Variants in EMILIN2 observed in about 807,000 individuals in gnomAD.
EMILIN2 encodes elastin microfibril interfacer 2.
A neutral mutation model predicts 87.1 loss-of-function variants in EMILIN2; 71 were observed. The ratio of observed to expected loss-of-function variants is 0.82; its 90% confidence interval spans 0.67 to 0.99. The LOEUF (loss-of-function observed/expected upper bound fraction) is 0.99. Among genes scored for constraint, EMILIN2 ranks in the 50% least tolerant of loss-of-function variants. The probability of loss-of-function intolerance (pLI) is 0.00; values close to 1 mark genes in which losing one functional copy is unlikely to be tolerated. For missense variants in EMILIN2, 1,407 were observed against 1,371.8 expected, an observed-to-expected ratio of 1.03 and a Z score of -0.40; for synonymous variants, 581 against 563.4, an observed-to-expected ratio of 1.03 and a Z score of -0.44.
chr18:2,848,248 G>A lies in EMILIN2; in HGVS notation c.257+317G>A, dbSNP rs2076586264. 6.6e-6 allele frequency among the ~76,000 whole-genome samples: 1 copy of A among 152,256 alleles called. No individual in the cohort carries two copies. Among genetic ancestry groups the A allele is most frequent in the South Asian group, 2.1e-4 (1 of 4,834 alleles). ...CTTTCAATGTTTGTTTGTAACATAA[G>A]GCAGCTGAATCTAATTGGATCCATA... On this transcript the variant is annotated intron_variant, in intron 2 of 7. Coordinates refer to ENST00000254528, the MANE Select transcript of EMILIN2 (RefSeq NM_032048.3). The surrounding 1 kb of genome is among the most constrained non-coding windows in gnomAD (Gnocchi z 4.1).
In EMILIN2 at chr18:2,892,239, C is replaced by G; in HGVS notation, c.2112C>G (p.Gly704=). ...AGAGGGAGGTCTCCATGGTGGAGGG[C>G]AGGGTGTCTCATATGGAGAAAACTT... ...GVQREVSMVE[G]RVSHMEKTCS... is the part of the protein sequence containing the mutation. The change falls in exon 4 of 8, where the codon GGC becomes GGG. Residue 704 remains glycine (G), a synonymous_variant. Transcript: ENST00000254528. 6.2e-7 allele frequency: 1 copy of G among 1,612,384 alleles called. No individual in the cohort carries two copies. Among genetic ancestry groups the G allele is most frequent in the Middle Eastern group, 1.7e-4 (1 of 6,056 alleles).
intron 3 of EMILIN2, among the ~76,000 whole-genome samples, chr18:2,889,133 C>CTTTTCTTTTTTTTTTTTTTTTTTTT (rs2076819032): frequency 1.2e-5 from 1 of 84,354 alleles, no homozygotes; most frequent in African/African-American, 4.9e-5. Context: ...TCTTTCTTTT[C>CTTTTCTTTTTTTTTTTTTTTTTTTT]TTTTTTTTTT....
intron 2 of EMILIN2, among the ~76,000 whole-genome samples, chr18:2,858,577 G>GTATA (rs1389867922): frequency 4.6e-5 from 3 of 64,920 alleles, no homozygotes; most frequent in African/African-American, 1.0e-4. Flanking sequence ...ATATGTGTGT[G>GTATA]TGTGTGTATA....
Position 2,882,241 on chromosome 18 carries a change from A to G in EMILIN2, c.258-2723A>G, listed in dbSNP as rs143516573. 8.2e-3 allele frequency among the ~76,000 whole-genome samples: 1,247 copies of G among 152,226 alleles called. 12 individuals carry two copies. The highest frequency in any genetic ancestry group is 0.026 in the African/African-American group (1,087 of 41,528). On this transcript the variant is annotated intron_variant, in intron 2 of 7. Transcript: ENST00000254528. ...GGTCTTTCCTCTCCTCATCCTCCCAACTGCCCGAGCAGCCCTTGTTTTTCC... is the reference window on the plus strand; with the variant it reads ...GGTCTTTCCTCTCCTCATCCTCCCAGCTGCCCGAGCAGCCCTTGTTTTTCC...
intron 2 of EMILIN2, among the ~76,000 whole-genome samples, chr18:2,884,525 C>G (rs1211980215): frequency 6.6e-6 from 1 of 152,248 alleles, no homozygotes; most frequent in Non-Finnish European, 1.5e-5. Context: ...GGATTACAGG[C>G]ATGAGCCACT....
intron 4 of EMILIN2, among the ~76,000 whole-genome samples, chr18:2,898,556 T>C (rs2076874063): frequency 6.6e-6 from 1 of 152,228 alleles, no homozygotes; most frequent in Non-Finnish European, 1.5e-5. Context: ...AGATGTCTCT[T>C]AGATCTCAGC....
chr18:2,896,335 C>A (rs896214232), intron 4 of EMILIN2, among the ~76,000 whole-genome samples: 1 of 152,028 alleles, frequency 6.6e-6, no homozygotes, highest in African/African-American at 2.4e-5. Context: ...GCCACCACAT[C>A]CAGCTAATTT....
intron 2 of EMILIN2, among the ~76,000 whole-genome samples, chr18:2,870,498 G>A (rs528256498): frequency 7.9e-5 from 12 of 152,304 alleles, no homozygotes; most frequent in African/African-American, 2.6e-4. Flanking sequence ...TTCTGGAAGT[G>A]CACATCTAGC....
chr18:2,864,408 C>T (rs533311487), intron 2 of EMILIN2, among the ~76,000 whole-genome samples: 21 of 152,288 alleles, frequency 1.4e-4, no homozygotes, highest in African/African-American at 4.6e-4. Context: ...TCTTTTAGGG[C>T]AGGCCTGGTG....
Position 2,847,227 on chromosome 18 carries a change from G to T in EMILIN2, c.39G>T (p.Trp13Cys). The T allele has an allele frequency of 8.0e-7, 1 of 1,257,774 alleles. No homozygotes were observed. The highest frequency in any genetic ancestry group is 2.7e-5 in the South Asian group (1 of 37,066). 77.9% of individuals were successfully genotyped at this position (1,257,774 alleles called of 1,614,324 possible). A position where few individuals can be genotyped will look rare whatever the true frequency, so the allele number is the denominator to read the frequency against. Residue 13 changes from tryptophan (W) to cysteine (C), a missense_variant, in exon 1 of 8, where the codon TGG (tryptophan) becomes TGT (cysteine). By Grantham distance (215) the Trp-to-Cys change is radical. Coordinates refer to ENST00000254528, the MANE Select transcript of EMILIN2 (RefSeq NM_032048.3). The surrounding 1 kb of genome is among the most constrained non-coding windows in gnomAD (Gnocchi z 4.5). ...GACGGCCCTGGCCCCGCGTGCCCTG[G>T]CGCTGGGCGCTGGCGCTGCTGGCCC... ...QPRRPWPRVP[W>C]RWALALLALV...
At chr18:2,872,536 A>G (rs1598491064) in intron 2 of EMILIN2, among the ~76,000 whole-genome samples, 2 of 152,302 alleles carry the variant, frequency 1.3e-5, no homozygotes, top group African/African-American at 4.8e-5. Flanking sequence ...AATGGTTTTT[A>G]ATACTCGATG....
chr18:2,866,623 A>G (rs1175282522), intron 2 of EMILIN2, among the ~76,000 whole-genome samples: 1 of 152,218 alleles, frequency 6.6e-6, no homozygotes, highest in Non-Finnish European at 1.5e-5. Context: ...TTCTACGTAT[A>G]TAATCATATC....
chr18:2,899,177 A>T (rs145581242), intron 4 of EMILIN2, among the ~76,000 whole-genome samples: 1 of 152,240 alleles, frequency 6.6e-6, no homozygotes. Context: ...AATTAAATTT[A>T]TAACTAAAAA....
chr18:2,892,938 G>A (rs2076846357), intron 4 of EMILIN2, among the ~76,000 whole-genome samples: 1 of 151,324 alleles, frequency 6.6e-6, no homozygotes, highest in African/African-American at 2.4e-5. Flanking sequence ...TGTAGTCCCA[G>A]CTAGTCGGGA....
intron 2 of EMILIN2, among the ~76,000 whole-genome samples, chr18:2,851,644 G>A (rs1169957332): frequency 6.6e-6 from 1 of 152,208 alleles, no homozygotes; most frequent in Non-Finnish European, 1.5e-5. Context: ...GGCCGCAGGT[G>A]CCTTGTCAGA....
intron 2 of EMILIN2, among the ~76,000 whole-genome samples, chr18:2,860,081 G>A (rs1380675425): frequency 6.6e-6 from 1 of 152,018 alleles, no homozygotes; most frequent in Non-Finnish European, 1.5e-5. Flanking sequence ...AAGAATTTTA[G>A]GATTTTTTTC....
At chr18:2,903,862 G>C (rs1215435433) in intron 4 of EMILIN2, among the ~76,000 whole-genome samples, 2 of 152,098 alleles carry the variant, frequency 1.3e-5, no homozygotes, top group African/African-American at 4.8e-5. Context: ...TTTGCAATAA[G>C]GCTTTCAATC....
chr18:2,868,689 G>C (rs111239452), intron 2 of EMILIN2, among the ~76,000 whole-genome samples: 2 of 152,210 alleles, frequency 1.3e-5, no homozygotes, highest in African/African-American at 2.4e-5. Context: ...GCAGGCACTC[G>C]GCAGGCTGAG....
rs2076577371 is a variant in EMILIN2, at chr18:2,847,010, G to A, written c.-179G>A. 1.9e-6 allele frequency: 2 copies of A among 1,042,308 alleles called. No individual in the cohort carries two copies. Among genetic ancestry groups the A allele is most frequent in the South Asian group, 5.6e-5 (2 of 35,810 alleles). 64.6% of individuals were successfully genotyped at this position (1,042,308 alleles called of 1,614,324 possible). A position where few individuals can be genotyped will look rare whatever the true frequency, so the allele number is the denominator to read the frequency against. ...GCGCAGGGCGCACGGGGCTGCAGAA[G>A]GAGAAGTAGGAACGAGAAGCCGGAG... On this transcript the variant is annotated 5_prime_UTR_variant, in exon 1 of 8. Coordinates refer to ENST00000254528, the MANE Select transcript of EMILIN2 (RefSeq NM_032048.3). The surrounding 1 kb of genome is among the most constrained non-coding windows in gnomAD (Gnocchi z 4.5).
Sources: gnomAD v4.1 joint callset for allele counts (sites outside exome capture counted in the v4.1 genomes callset) on GRCh38, gnomAD v4.1.1 for gene constraint, Gnocchi (gnomAD v3.1) non-coding constraint, MANE v1.5 for transcripts, NCBI Gene and HGNC (gene_info 2026-07-23, HGNC 2026-07-21) for gene names.